Variants in CNTNAP2 observed in about 807,000 individuals in gnomAD.
CNTNAP2 encodes the protein contactin associated protein 2.
CNTNAP2 carries 98 observed loss-of-function variants against 155.2 expected under a neutral mutation model. That is an observed-to-expected ratio of 0.63 (90% confidence interval 0.54 to 0.75). CNTNAP2 has a LOEUF of 0.75. Ranked by LOEUF, CNTNAP2 falls within the 30% of genes least tolerant of loss-of-function variation. The pLI, the probability that CNTNAP2 is intolerant of heterozygous loss-of-function variation, is 0.00. For synonymous variants in CNTNAP2, 651 were observed against 631.2 expected (o/e 1.03, Z -0.47); for missense variants, 1,727 against 1,688.1 (o/e 1.02, Z -0.40).
chr7:148,129,269 A>G (rs1804776961), intron 16 of CNTNAP2, among the ~76,000 whole-genome samples: 2 of 152,210 alleles, frequency 1.3e-5, no homozygotes, highest in Non-Finnish European at 2.9e-5. Context: ...GAAAGTAAAC[A>G]TCAGAGGCAG....
intron 1 of CNTNAP2, among the ~76,000 whole-genome samples, chr7:146,617,696 T>A (rs1799249026): frequency 6.6e-6 from 1 of 152,126 alleles, no homozygotes; most frequent in South Asian, 2.1e-4. Context: ...GTGGGCTGAA[T>A]TACACAATAA....
At chr7:146,583,631 C>T (rs890085513) in intron 1 of CNTNAP2, among the ~76,000 whole-genome samples, 2 of 152,146 alleles carry the variant, frequency 1.3e-5, no homozygotes, top group Non-Finnish European at 2.9e-5. Context: ...TAGTTTAAAT[C>T]AGTTCTTATA....
intron 3 of CNTNAP2, among the ~76,000 whole-genome samples, chr7:146,840,167 T>A (rs1183090973): frequency 5.3e-5 from 8 of 152,090 alleles, no homozygotes; most frequent in Admixed American, 1.3e-4. Context: ...CAAACCCGGA[T>A]CAATAAGACC....
At chr7:148,224,838 A>G (rs1452703297) in intron 19 of CNTNAP2, among the ~76,000 whole-genome samples, 3 of 152,188 alleles carry the variant, frequency 2.0e-5, no homozygotes, top group Non-Finnish European at 4.4e-5. Context: ...AGGAGGGAGA[A>G]GTGCAGAGCA....
At chr7:146,865,689 T>C (rs539240298) in intron 3 of CNTNAP2, among the ~76,000 whole-genome samples, 9 of 152,160 alleles carry the variant, frequency 5.9e-5, no homozygotes, top group African/African-American at 9.6e-5. Flanking sequence ...TAGAAGAATA[T>C]AAAGGAGAAA....
intron 4 of CNTNAP2, among the ~76,000 whole-genome samples, chr7:147,058,399 ATATTC>A (rs1051503230): frequency 1.3e-5 from 2 of 152,184 alleles, no homozygotes; most frequent in African/African-American, 4.8e-5. Context: ...ATATTACACT[ATATTC>A]TATTCTATTA....
intron 13 of CNTNAP2, among the ~76,000 whole-genome samples, chr7:147,664,743 C>A (rs1795668333): frequency 6.6e-6 from 1 of 152,274 alleles, no homozygotes; most frequent in South Asian, 2.1e-4. Flanking sequence ...TTTACAGGGT[C>A]TTTCATGGTC....
At chr7:147,413,498 A>C (rs1223984844) in intron 10 of CNTNAP2, among the ~76,000 whole-genome samples, 1 of 152,236 alleles carries the variant, frequency 6.6e-6, no homozygotes, top group Non-Finnish European at 1.5e-5. Context: ...TCTCAATAAC[A>C]GGGATTAGTG....
At chr7:146,424,525 C>T (rs925364275) in intron 1 of CNTNAP2, among the ~76,000 whole-genome samples, 2 of 152,200 alleles carry the variant, frequency 1.3e-5, no homozygotes, top group Non-Finnish European at 2.9e-5. Context: ...CAAACGCCTT[C>T]TGTCAAATAT....
intron 3 of CNTNAP2, among the ~76,000 whole-genome samples, chr7:146,916,551 A>G (rs1796398046): frequency 6.6e-6 from 1 of 152,132 alleles, no homozygotes; most frequent in South Asian, 2.1e-4. Context: ...TACTAGTTTA[A>G]TCTAGGAGGG....
chr7:147,168,375 A>G (rs936758613), intron 8 of CNTNAP2, among the ~76,000 whole-genome samples: 2 of 151,980 alleles, frequency 1.3e-5, no homozygotes, highest in African/African-American at 4.8e-5. Context: ...GAGATTTTCA[A>G]ATGGAAGCAG....
At chr7:148,137,669 AAAGGAAGGAAGGAAGG>A (rs35867113) in intron 16 of CNTNAP2, among the ~76,000 whole-genome samples, 12,251 of 107,676 alleles carry the variant, frequency 0.11, 693 homozygotes, top group Middle Eastern at 0.14. Context: ...CTCAGAAAAA[AAAGGAAGGAAGGAAGG>A]AAGGAAGGAA....
chr7:147,190,494 A>C (rs1299668502), intron 8 of CNTNAP2, among the ~76,000 whole-genome samples: 2 of 152,202 alleles, frequency 1.3e-5, no homozygotes, highest in East Asian at 3.9e-4. Flanking sequence ...ACAGAATGTC[A>C]GAGTAAGAAA....
chr7:147,910,710 A>G (rs1188985034), intron 14 of CNTNAP2, among the ~76,000 whole-genome samples: 1 of 152,174 alleles, frequency 6.6e-6, no homozygotes, highest in Admixed American at 6.6e-5. Flanking sequence ...GAGAACTCCC[A>G]TTTATAAAAC....
At chr7:146,878,851 C>A (rs1418457531) in intron 3 of CNTNAP2, among the ~76,000 whole-genome samples, 1 of 152,204 alleles carries the variant, frequency 6.6e-6, no homozygotes, top group Non-Finnish European at 1.5e-5. Context: ...CAACTCAAAG[C>A]AGCTCTGACC....
At chr7:147,896,295 A>G (rs2708259) in intron 13 of CNTNAP2, among the ~76,000 whole-genome samples, 48,400 of 152,022 alleles carry the variant, frequency 0.32, 7,948 homozygotes, top group African/African-American at 0.4. Context: ...CCTGGATCCC[A>G]TGCACAGCTC....
intron 8 of CNTNAP2, among the ~76,000 whole-genome samples, chr7:147,176,723 TTA>T (rs1376175726): frequency 7.8e-6 from 1 of 128,940 alleles, no homozygotes; most frequent in Non-Finnish European, 1.6e-5. Flanking sequence ...GAATTATATA[TTA>T]TATATAATAG....
intron 12 of CNTNAP2, among the ~76,000 whole-genome samples, chr7:147,629,714 C>G (rs1460205969): frequency 6.6e-6 from 1 of 151,860 alleles, no homozygotes; most frequent in African/African-American, 2.4e-5. Context: ...ATTAAATCAC[C>G]TGTTCCTTAA....
In CNTNAP2 at chr7:148,416,133, A is replaced by C. The variant is rs764823909; in HGVS notation, c.*517A>C. The C allele has an allele frequency of 6.3e-6, 1 of 158,222 alleles. No homozygotes were observed. Among genetic ancestry groups the C allele is most frequent in the Non-Finnish European group, 1.4e-5 (1 of 71,744 alleles). 9.8% of individuals were successfully genotyped at this position (158,222 alleles called of 1,614,324 possible). On this transcript the variant is annotated 3_prime_UTR_variant, in exon 24 of 24. Coordinates refer to ENST00000361727, the MANE Select transcript of CNTNAP2 (RefSeq NM_014141.6). ...TTCCTTTGATGTCCTATAAGTCGGA[A>C]AAGAAAGGGGCAAAGAGAACCTATT...
Sources: gnomAD v4.1 joint callset for allele counts (sites outside exome capture counted in the v4.1 genomes callset) on GRCh38, gnomAD v4.1.1 for gene constraint, MANE v1.5 for transcripts, NCBI Gene and HGNC (gene_info 2026-07-23, HGNC 2026-07-21) for gene names.